CCDC117: variants seen among roughly 807,000 people sequenced by gnomAD.
CCDC117 encodes the protein coiled-coil domain-containing protein 117.
A neutral mutation model predicts 23.5 loss-of-function variants in CCDC117; 1 was observed. The observed-to-expected ratio is 0.04, with a 90% CI of 0.02 to 0.20. The LOEUF is 0.20. Among genes scored for constraint, CCDC117 ranks in the 10% least tolerant of loss-of-function variants. The pLI is 1.00. For synonymous variants in CCDC117, 132 were observed against 124.8 expected (o/e 1.06, Z -0.39); for missense variants, 383 against 348.2 (o/e 1.10, Z -0.80).
At chr22:28,773,886 G>A (rs1017952104) in intron 2 of CCDC117, 108 bp downstream of exon 2, 10 of 841,098 alleles carry the variant, frequency 1.2e-5, no homozygotes, top group African/African-American at 8.5e-5. Context: ...AGTGTCTCTG[G>A]AAAGAGACAC....
chr22:28,773,265 A>AC (rs769915180), intron 1 of CCDC117: 20 of 164,554 alleles, frequency 1.2e-4, no homozygotes, highest in Non-Finnish European at 2.4e-4. Context: ...TCCGGTCCGA[A>AC]CCTCAGCTCG....
At chr22:28,780,569 C>A (rs890457625) in intron 2 of CCDC117, among the ~76,000 whole-genome samples, 10 of 152,154 alleles carry the variant, frequency 6.6e-5, no homozygotes, top group African/African-American at 2.4e-4. Flanking sequence ...AAGTGATCTT[C>A]CCACCTCAGC....
At chr22:28,774,248 T>C (rs1601419039) in intron 2 of CCDC117, among the ~76,000 whole-genome samples, 1 of 151,272 alleles carries the variant, frequency 6.6e-6, no homozygotes, top group African/African-American at 2.4e-5. Flanking sequence ...TTTTTTTTTT[T>C]AGTAGAGACG....
At chr22:28,777,034 G>GC (rs2031182211) in intron 2 of CCDC117, among the ~76,000 whole-genome samples, 1 of 128,438 alleles carries the variant, frequency 7.8e-6, no homozygotes, top group African/African-American at 3.0e-5. Context: ...TACTGTAGCT[G>GC]TTTTTTTTTT....
At position 28,785,214 on chromosome 22, in the gene CCDC117, G is replaced by C. The variant is rs530628243; in HGVS notation, c.603-875G>C. Among the ~76,000 whole-genome samples, 16 of 142,006 alleles carry C rather than the reference G, an allele frequency of 1.1e-4. 1 individual carries two copies. In the East Asian group the frequency reaches 3.6e-3, roughly 32 times the overall value. The allele number at this position is 142,006 out of a possible 152,430, so 93.2% of individuals were successfully genotyped here. On this transcript the variant is annotated intron_variant, in intron 4 of 4. Transcript: ENST00000249064. The stretch of plus-strand genomic sequence containing the variant: ...TGTTTTGTTTTGTGTTTTGAGACAG[G>C]GTCTCACTCTGTCACCCAGGCTGGA...
intron 2 of CCDC117, among the ~76,000 whole-genome samples, chr22:28,780,082 A>C (rs1273764900): frequency 6.6e-6 from 1 of 152,220 alleles, no homozygotes; most frequent in Admixed American, 6.5e-5. Flanking sequence ...TCTGGTCCTC[A>C]AGATAAACTC....
intron 3 of CCDC117, among the ~76,000 whole-genome samples, chr22:28,782,040 C>T (rs2031355610): frequency 6.7e-6 from 1 of 149,798 alleles, no homozygotes; most frequent in African/African-American, 2.5e-5. Context: ...CAGGCTCAAC[C>T]CATCTGCCCC....
rs575246820 is a variant in CCDC117 at position 28,773,659 on chromosome 22, A to G, written c.186-66A>G. 2.6e-4 allele frequency: 334 copies of G among 1,307,894 alleles called. 3 individuals carry two copies. In the South Asian group the frequency reaches 3.8e-3, roughly 15 times the overall value. 81.0% of individuals were successfully genotyped at this position (1,307,894 alleles called of 1,614,324 possible). The stretch of plus-strand genomic sequence containing the variant: ...ATGAGCAAGATTATTGGAGCAAGAA[A>G]GAGGATACTGAAACCACAAGCTCGA... On this transcript the variant is annotated intron_variant, in intron 1 of 4. Coordinates refer to ENST00000249064, the MANE Select transcript of CCDC117 (RefSeq NM_173510.4).
chr22:28,784,894 C>T (rs568220594), intron 4 of CCDC117, among the ~76,000 whole-genome samples: 2 of 152,098 alleles, frequency 1.3e-5, no homozygotes, highest in East Asian at 1.9e-4. Context: ...CTCAGCCTCC[C>T]GAGTAGCTGG....
At chr22:28,774,618 C>T (rs2031110216) in intron 2 of CCDC117, among the ~76,000 whole-genome samples, 1 of 151,992 alleles carries the variant, frequency 6.6e-6, no homozygotes, top group Non-Finnish European at 1.5e-5. Flanking sequence ...TCAAGCAGTC[C>T]TCCCAACTCT....
At chr22:28,783,449 G>C in intron 3 of CCDC117, 59 bp from the exon 4 acceptor site, 1 of 1,525,628 alleles carries the variant, frequency 6.6e-7, no homozygotes, top group Non-Finnish European at 8.9e-7. Flanking sequence ...CCAAATACTA[G>C]AATATATAAT....
At chr22:28,777,331 C>T (rs975982067) in intron 2 of CCDC117, among the ~76,000 whole-genome samples, 3 of 151,820 alleles carry the variant, frequency 2.0e-5, no homozygotes, top group African/African-American at 4.8e-5. Context: ...CTGCGCCTGG[C>T]CTATTCTATA....
intron 2 of CCDC117, among the ~76,000 whole-genome samples, chr22:28,779,286 C>A (rs6005878): frequency 6.6e-6 from 1 of 151,902 alleles, no homozygotes; most frequent in African/African-American, 2.4e-5. Context: ...ACTGCAACCT[C>A]CCCCCTCCTG....
intron 2 of CCDC117, among the ~76,000 whole-genome samples, chr22:28,779,255 G>T (rs6005877): frequency 0.14 from 21,491 of 152,018 alleles, 1,628 homozygotes; most frequent in East Asian, 0.19. Context: ...AGGCTGGAGT[G>T]CAGTGACGCA....
Position 28,772,888 on chromosome 22 carries a change from G to C in CCDC117, c.39G>C (p.Leu13=). The change falls in exon 1 of 5, where the codon CTG becomes CTC. Residue 13 remains leucine (L), a synonymous_variant. Transcript: ENST00000249064. ...GCCGGCCCTTCAGCGGCCTCCCTCT[G>C]AGCGGCGGCTCGGACTTCCTGCAGC... is the stretch of plus-strand genomic sequence containing the variant. ...ALGRPFSGLP[L]SGGSDFLQPP... 1 of 1,235,898 alleles carries C rather than the reference G, an allele frequency of 8.1e-7. No individual in the cohort carries two copies. Among genetic ancestry groups the C allele is most frequent in the Non-Finnish European group, 1.0e-6 (1 of 988,898 alleles). 76.6% of individuals were successfully genotyped at this position (1,235,898 alleles called of 1,614,324 possible).
At chr22:28,784,425 A>G (rs1300973732) in intron 4 of CCDC117, among the ~76,000 whole-genome samples, 3 of 152,270 alleles carry the variant, frequency 2.0e-5, no homozygotes, top group Non-Finnish European at 4.4e-5. Flanking sequence ...AGTTAGTTAT[A>G]AAGTGCCTAG....
intron 2 of CCDC117, among the ~76,000 whole-genome samples, chr22:28,778,612 A>C (rs1397338425): frequency 6.6e-6 from 1 of 152,216 alleles, no homozygotes; most frequent in African/African-American, 2.4e-5. Context: ...TGTGGATAAC[A>C]CAGGAAACTT....
intron 3 of CCDC117, among the ~76,000 whole-genome samples, chr22:28,781,682 T>C (rs1292548035): frequency 6.7e-6 from 1 of 150,258 alleles, no homozygotes; most frequent in Non-Finnish European, 1.5e-5. Context: ...TTTTGCTCGT[T>C]ACCTAGGCTG....
At chr22:28,781,902 C>G (rs919363409) in intron 3 of CCDC117, among the ~76,000 whole-genome samples, 3 of 151,876 alleles carry the variant, frequency 2.0e-5, no homozygotes, top group African/African-American at 4.8e-5. Flanking sequence ...CTCGGCCTCC[C>G]AAAGTGCTGG....
Sources: allele counts gnomAD v4.1 joint callset (sites outside exome capture counted in the v4.1 genomes callset), GRCh38; gene constraint gnomAD v4.1.1; transcripts MANE v1.5; gene names NCBI Gene and HGNC (gene_info 2026-07-23, HGNC 2026-07-21).